MAP7D2: variants seen among roughly 807,000 people sequenced by gnomAD.
The protein encoded by MAP7D2 is MAP7 domain containing 2.
MAP7D2 carries 33 observed loss-of-function variants against 63.5 expected under a neutral mutation model. That is an observed-to-expected ratio of 0.52 (90% CI 0.39 to 0.70). The LOEUF is 0.70. MAP7D2 is among the 30% of genes least tolerant of loss of function. MAP7D2 has a pLI of 0.00. For missense variants in MAP7D2, 626 were observed against 604.0 expected (o/e 1.04, Z -0.38); for synonymous variants, 224 against 223.7 (o/e 1.00, Z -0.01).
intron 1 of MAP7D2, among the ~76,000 whole-genome samples, chrX:20,091,330 G>A (rs1279168516): frequency 9.4e-6 from 1 of 106,265 alleles, no homozygotes; most frequent in African/African-American, 3.4e-5. Context: ...TGGGATTGTA[G>A]GAGTGAGCCA....
chrX:20,045,358 C>G (rs1345679482), intron 6 of MAP7D2, among the ~76,000 whole-genome samples: 1 of 108,648 alleles, frequency 9.2e-6, no homozygotes, highest in Non-Finnish European at 1.9e-5. Context: ...GAAACCACAG[C>G]CCTTCAAAAA....
chrX:20,014,640 C>T (rs112258246), intron 12 of MAP7D2, among the ~76,000 whole-genome samples: 7 of 111,700 alleles, frequency 6.3e-5, no homozygotes, highest in East Asian at 2.8e-4. Flanking sequence ...AGGCATATCA[C>T]GATAAATATA....
intron 4 of MAP7D2, among the ~76,000 whole-genome samples, chrX:20,054,111 T>C (rs770833217): frequency 8.9e-6 from 1 of 112,633 alleles, no homozygotes; most frequent in South Asian, 3.7e-4. Context: ...GTGCTGGGAT[T>C]ACAGGCGTGA....
rs1270877648 is a variant in MAP7D2, at chrX:20,063,400, C to A, written c.372+14G>T. 1 of 1,206,617 alleles carries A rather than the reference C, an allele frequency of 8.3e-7. No homozygotes were observed. Among genetic ancestry groups the A allele is most frequent in the East Asian group, 3.0e-5 (1 of 33,741 alleles). ...GGGGGCTGGAAGGTGGCGGAGGGTGCACCTGGGCCTTACCTCCTCCTCCCG... is the reference window on the plus strand; with the variant it reads ...GGGGGCTGGAAGGTGGCGGAGGGTGAACCTGGGCCTTACCTCCTCCTCCCG... On this transcript the variant is annotated intron_variant, in intron 3 of 16. Transcript: ENST00000379643.
At chrX:20,030,239 A>G (rs1012102614) in intron 8 of MAP7D2, among the ~76,000 whole-genome samples, 1 of 112,110 alleles carries the variant, frequency 8.9e-6, no homozygotes, top group Admixed American at 9.4e-5. Flanking sequence ...TATTTTACAG[A>G]AGAAAACCAA....
intron 10 of MAP7D2, 27 bp downstream of exon 10, chrX:20,024,924 A>C: frequency 2.5e-6 from 3 of 1,203,087 alleles, no homozygotes; most frequent in Non-Finnish European, 3.4e-6. Context: ...ACATGAGATC[A>C]CACCGAAATT....
chrX:20,015,148 T>A, intron 12 of MAP7D2, 75 bp downstream of exon 12: 1 of 742,832 alleles, frequency 1.3e-6, no homozygotes, highest in Non-Finnish European at 2.1e-6. Context: ...GATCATTCTA[T>A]CCAATCACTG....
intron 1 of MAP7D2, among the ~76,000 whole-genome samples, chrX:20,110,839 T>A (rs1160702140): frequency 9.0e-6 from 1 of 110,539 alleles, no homozygotes; most frequent in Non-Finnish European, 1.9e-5. Flanking sequence ...CAGTAGATAT[T>A]CTCCAAAAGG....
intron 3 of MAP7D2, 23 bp downstream of exon 3, chrX:20,063,391 C>T (rs772233160): frequency 7.5e-6 from 9 of 1,200,746 alleles, no homozygotes; most frequent in East Asian, 5.9e-5. Context: ...TGGAAGGTGG[C>T]GGAGGGTGCA....
intron 1 of MAP7D2, among the ~76,000 whole-genome samples, chrX:20,081,638 C>T (rs1197226264): frequency 1.8e-5 from 2 of 109,767 alleles, no homozygotes; most frequent in Non-Finnish European, 3.8e-5. Flanking sequence ...GGCCATCTCA[C>T]TGGGCATCAG....
At chrX:20,064,948 A>G (rs1457186423) in intron 1 of MAP7D2, 143 bp from the exon 2 acceptor site, 2 of 492,858 alleles carry the variant, frequency 4.1e-6, no homozygotes, top group Non-Finnish European at 7.1e-6. Flanking sequence ...AGGAAGTCCA[A>G]TCTGTCACTC....
chrX:20,104,513 C>A (rs1355438865), intron 1 of MAP7D2, among the ~76,000 whole-genome samples: 1 of 111,955 alleles, frequency 8.9e-6, no homozygotes, highest in Non-Finnish European at 1.9e-5. Flanking sequence ...GTTGGCCAGG[C>A]TGGTCTCGAA....
chrX:20,039,827 C>T (rs774234345), intron 8 of MAP7D2, among the ~76,000 whole-genome samples: 49 of 109,571 alleles, frequency 4.5e-4, no homozygotes, highest in African/African-American at 1.5e-3. Context: ...GGTGAAACCC[C>T]GTCTCTACTA....
chrX:20,054,929 ACT>A (rs2065035968), intron 4 of MAP7D2, among the ~76,000 whole-genome samples: 1 of 111,931 alleles, frequency 8.9e-6, no homozygotes, highest in African/African-American at 3.2e-5. Context: ...ACTAGAGGTA[ACT>A]CTGCTTGTGC....
At chrX:20,115,792 A>G (rs2066876029) in intron 1 of MAP7D2, among the ~76,000 whole-genome samples, 1 of 111,963 alleles carries the variant, frequency 8.9e-6, no homozygotes, top group Non-Finnish European at 1.9e-5. Context: ...TCACTATGTG[A>G]TAATTCATCG....
chrX:20,075,744 C>G (rs1473390374), intron 1 of MAP7D2, among the ~76,000 whole-genome samples: 1 of 111,803 alleles, frequency 8.9e-6, no homozygotes, highest in Non-Finnish European at 1.9e-5. Flanking sequence ...TCTATTTCTT[C>G]GACTATTACA....
intron 6 of MAP7D2, among the ~76,000 whole-genome samples, chrX:20,044,964 T>C (rs1028058442): frequency 8.9e-6 from 1 of 111,835 alleles, no homozygotes; most frequent in African/African-American, 3.3e-5. Context: ...CTAAACTGTT[T>C]ATACAAACAG....
intron 1 of MAP7D2, among the ~76,000 whole-genome samples, chrX:20,101,142 G>A (rs1297061120): frequency 8.9e-6 from 1 of 111,936 alleles, no homozygotes; most frequent in Non-Finnish European, 1.9e-5. Context: ...CTGACGTCTG[G>A]AATTGAGATA....
chrX:20,109,034 T>C (rs1209606282), intron 1 of MAP7D2, among the ~76,000 whole-genome samples: 1 of 109,318 alleles, frequency 9.1e-6, no homozygotes, highest in Non-Finnish European at 1.9e-5. Flanking sequence ...TTCTAAGAAA[T>C]GAGATCCCCA....
Sources: allele counts gnomAD v4.1 joint callset (sites outside exome capture counted in the v4.1 genomes callset), GRCh38; gene constraint gnomAD v4.1.1; transcripts MANE v1.5; gene names NCBI Gene and HGNC (gene_info 2026-07-23, HGNC 2026-07-21).